The following CDC42BPA variants were observed in gnomAD, a reference collection of about 807,000 sequenced individuals.
The protein encoded by CDC42BPA is serine/threonine-protein kinase MRCK alpha.
CDC42BPA carries 80 observed loss-of-function variants against 223.5 expected under a neutral mutation model. The ratio of observed to expected loss-of-function variants is 0.36; its 90% CI spans 0.30 to 0.43. CDC42BPA has a LOEUF of 0.43. Ranked by LOEUF, CDC42BPA falls within the 20% of genes least tolerant of loss-of-function variation. The probability of loss-of-function intolerance (pLI) is 1.00; values close to 1 mark genes in which losing one functional copy is unlikely to be tolerated. For missense variants in CDC42BPA, 1,743 were observed against 2,099.9 expected, an observed-to-expected ratio of 0.83 and a Z score of 3.32; for synonymous variants, 694 against 718.6, an observed-to-expected ratio of 0.97 and a Z score of 0.55.
At chr1:227,187,432 A>G (rs1399821276) in intron 5 of CDC42BPA, among the ~76,000 whole-genome samples, 1 of 151,502 alleles carries the variant, frequency 6.6e-6, no homozygotes, top group Admixed American at 6.6e-5. Context: ...AGAATCTCTG[A>G]GCTTGAGAAT....
chr1:227,081,556 G>T (rs1274857873), intron 16 of CDC42BPA, among the ~76,000 whole-genome samples: 1 of 151,344 alleles, frequency 6.6e-6, no homozygotes, highest in East Asian at 1.9e-4. Context: ...GGGTTCAAGC[G>T]ATTCTCCTGT....
intron 2 of CDC42BPA, among the ~76,000 whole-genome samples, chr1:227,246,126 G>C (rs1179398611): frequency 1.3e-5 from 2 of 152,274 alleles, no homozygotes; most frequent in Non-Finnish European, 2.9e-5. Flanking sequence ...TGATGAAAGA[G>C]CTCTTGGGCT....
At chr1:227,280,408 G>C (rs1558944092) in intron 1 of CDC42BPA, among the ~76,000 whole-genome samples, 1 of 152,230 alleles carries the variant, frequency 6.6e-6, no homozygotes, top group Non-Finnish European at 1.5e-5. Flanking sequence ...GAACATATGA[G>C]ATGGGTGAGA....
At chr1:227,295,600 CA>C (rs1690519877) in intron 1 of CDC42BPA, among the ~76,000 whole-genome samples, 1 of 152,164 alleles carries the variant, frequency 6.6e-6, no homozygotes, top group Non-Finnish European at 1.5e-5. Context: ...TTAGCTCTAA[CA>C]AAAAACTCAA....
chr1:227,101,326 C>G, intron 14 of CDC42BPA, 87 bp from the exon 15 acceptor site: 1 of 736,676 alleles, frequency 1.4e-6, no homozygotes, highest in Non-Finnish European at 2.0e-6. Context: ...AATGAGTATT[C>G]ATATAACTGC....
chr1:227,171,156 A>G (rs1666032226), intron 5 of CDC42BPA, among the ~76,000 whole-genome samples: 1 of 152,254 alleles, frequency 6.6e-6, no homozygotes, highest in South Asian at 2.1e-4. Context: ...TAAAATATCT[A>G]TTACTGTAAA....
chr1:227,184,585 T>C (rs867917498), intron 5 of CDC42BPA, among the ~76,000 whole-genome samples: 27 of 152,202 alleles, frequency 1.8e-4, no homozygotes, highest in African/African-American at 6.3e-4. Context: ...CATGGCTTAA[T>C]ATCTGGTAGA....
intron 23 of CDC42BPA, among the ~76,000 whole-genome samples, chr1:227,046,210 A>G (rs1672415686): frequency 7.2e-6 from 1 of 137,992 alleles, no homozygotes; most frequent in Admixed American, 7.2e-5. Flanking sequence ...GTGTCTATCT[A>G]TGTGTCCACA....
intron 2 of CDC42BPA, among the ~76,000 whole-genome samples, chr1:227,224,532 T>G (rs1283690280): frequency 6.6e-6 from 1 of 152,172 alleles, no homozygotes; most frequent in Non-Finnish European, 1.5e-5. Context: ...CACCCAGCTG[T>G]GACCTTTCAA....
intron 27 of CDC42BPA, among the ~76,000 whole-genome samples, chr1:227,032,417 T>C (rs138225258): frequency 1.4e-3 from 216 of 152,174 alleles, no homozygotes; most frequent in African/African-American, 4.1e-3. Flanking sequence ...TATAGGGAGA[T>C]AGGCATAACA....
intron 1 of CDC42BPA, among the ~76,000 whole-genome samples, chr1:227,273,100 C>A (rs532319520): frequency 2.0e-5 from 3 of 152,070 alleles, no homozygotes; most frequent in East Asian, 1.9e-4. Flanking sequence ...GAGTTTGAGA[C>A]CAGCCTGGCA....
intron 2 of CDC42BPA, among the ~76,000 whole-genome samples, chr1:227,240,576 G>A (rs1202434466): frequency 6.6e-6 from 1 of 151,916 alleles, no homozygotes; most frequent in Non-Finnish European, 1.5e-5. Context: ...ATGAGATAAA[G>A]AGAATAGAGA....
At chr1:227,182,820 G>T (rs1383159874) in intron 5 of CDC42BPA, 2 of 152,224 alleles carry the variant, frequency 1.3e-5, no homozygotes, top group Non-Finnish European at 2.9e-5. Context: ...GTGTTAGAAG[G>T]TGGGATAATT....
chr1:227,044,615 T>C (rs1291369443), intron 23 of CDC42BPA, among the ~76,000 whole-genome samples: 1 of 152,106 alleles, frequency 6.6e-6, no homozygotes, highest in Non-Finnish European at 1.5e-5. Flanking sequence ...AGAGCTGGGG[T>C]GGAAAGCCTA....
rs1287292827 is a variant in CDC42BPA at position 226,994,848 on chromosome 1, G to T, written c.5108C>A (p.Ala1703Asp). Residue 1703 changes from alanine to aspartate, a missense_variant, in exon 36 of 37, where the codon GCC becomes GAC. Ala to Asp is a moderately radical substitution (Grantham distance 126). Around this residue, in one of 6 missense-constraint regions of CDC42BPA, gnomAD observed 200 missense variants for 192.8 expected, o/e 1.04. Transcript: ENST00000366766. This position sits in a 1 kb window ranked among gnomAD's most constrained non-coding sequence, Gnocchi z 4.0. ...SSGGMDQGSDAPARDFDGEDS... is the reference protein window; with the variant it reads ...SSGGMDQGSDDPARDFDGEDS... ...CTCTCCGTCAAAGTCCCTCGCTGGGGCATCACTTCCTTGGTCCATGCCTCC... is the reference window on the plus strand; with the variant it reads ...CTCTCCGTCAAAGTCCCTCGCTGGGTCATCACTTCCTTGGTCCATGCCTCC... The T allele has an allele frequency of 5.6e-6, 9 of 1,612,998 alleles. No homozygotes were observed. The highest frequency in any genetic ancestry group is 7.6e-6 in the Non-Finnish European group (9 of 1,179,436).
rs1194818666 is a variant in CDC42BPA, at chr1:227,115,065, T to C, written c.1648-2152A>G. On this transcript the variant is annotated intron_variant, in intron 12 of 36. Transcript: ENST00000366766. ...AGTTCTGGAGACTGCTGCACAAGAA[T>C]GTAAATACACTTAACATTACTTAAC... Among the ~76,000 whole-genome samples, 5 of 152,122 alleles carry C rather than the reference T, an allele frequency of 3.3e-5. No homozygotes were observed. The East Asian group carries it at 9.6e-4, about 29-fold the overall frequency.
rs146171777 is a variant in CDC42BPA, at chr1:227,003,809, C to T, written c.4975+1185G>A. Among the ~76,000 whole-genome samples, 257 of 151,934 alleles carry T rather than the reference C, an allele frequency of 1.7e-3. 1 individual carries two copies. Among genetic ancestry groups the T allele is most frequent in the African/African-American group, 5.8e-3 (241 of 41,396 alleles). On this transcript the variant is annotated intron_variant, in intron 35 of 36. Transcript: ENST00000366766. ...TGTAAAAAAAGAGATGCTGCAGTTC[C>T]GAGTACAGTTAAAAACAAAAAACAA... is the stretch of plus-strand genomic sequence containing the variant.
At chr1:227,242,097 C>A (rs932383427) in intron 2 of CDC42BPA, among the ~76,000 whole-genome samples, 24 of 152,150 alleles carry the variant, frequency 1.6e-4, no homozygotes, top group East Asian at 7.7e-4. Flanking sequence ...AAAAGGCCAA[C>A]TGAATTTCTA....
intron 1 of CDC42BPA, among the ~76,000 whole-genome samples, chr1:227,273,599 T>C (rs1355474648): frequency 6.7e-6 from 1 of 150,300 alleles, no homozygotes; most frequent in African/African-American, 2.4e-5. Flanking sequence ...GGCTGTAAGA[T>C]GACTGATAAA....
Sources: allele counts gnomAD v4.1 joint callset (sites outside exome capture counted in the v4.1 genomes callset), GRCh38; gene constraint gnomAD v4.1.1; regional missense constraint gnomAD v4.1.1; non-coding constraint Gnocchi (gnomAD v3.1); transcripts MANE v1.5; gene names NCBI Gene and HGNC (gene_info 2026-07-23, HGNC 2026-07-21).